CDH4: variants seen among roughly 807,000 people sequenced by gnomAD.
CDH4 encodes the protein cadherin-4.
In CDH4, 33 loss-of-function variants were observed where a neutral mutation model predicts 86.0. That is an observed-to-expected ratio of 0.38 (90% CI 0.29 to 0.51). The LOEUF (loss-of-function observed/expected upper bound fraction) is 0.51, where lower values mean the gene tolerates loss of function less well. Ranked by LOEUF, CDH4 falls within the 20% of genes least tolerant of loss-of-function variation. The pLI is 0.86. For missense variants in CDH4, 1,114 were observed against 1,307.4 expected (o/e 0.85, Z 2.28); for synonymous variants, 555 against 549.4 (o/e 1.01, Z -0.14).
chr20:61,734,832 G>A (rs898392270), intron 2 of CDH4, among the ~76,000 whole-genome samples: 6 of 152,214 alleles, frequency 3.9e-5, no homozygotes, highest in Non-Finnish European at 5.9e-5. Flanking sequence ...CACAAAGCGC[G>A]CACAGTCACA....
intron 2 of CDH4, among the ~76,000 whole-genome samples, chr20:61,672,738 A>G (rs2087404486): frequency 6.6e-6 from 1 of 152,032 alleles, no homozygotes; most frequent in Non-Finnish European, 1.5e-5. Flanking sequence ...TGGAATCTTC[A>G]CTGGGAGGGG....
intron 2 of CDH4, among the ~76,000 whole-genome samples, chr20:61,613,003 G>T (rs1198482392): frequency 6.6e-6 from 1 of 152,044 alleles, no homozygotes; most frequent in Non-Finnish European, 1.5e-5. Context: ...ACACCTCCAG[G>T]AGGGCCGATA....
At chr20:61,658,381 C>T (rs78578849) in intron 2 of CDH4, among the ~76,000 whole-genome samples, 2 of 152,302 alleles carry the variant, frequency 1.3e-5, no homozygotes, top group East Asian at 3.9e-4. Flanking sequence ...GAGAGGGCTC[C>T]ATCGCAGCTG....
chr20:61,760,959 T>C (rs1184688978), intron 3 of CDH4, among the ~76,000 whole-genome samples: 1 of 152,248 alleles, frequency 6.6e-6, no homozygotes, highest in Non-Finnish European at 1.5e-5. Context: ...TCTGTTGTTT[T>C]AGTGTGTGTT....
chr20:61,420,500 A>C (rs2085171441), intron 2 of CDH4, among the ~76,000 whole-genome samples: 1 of 152,264 alleles, frequency 6.6e-6, no homozygotes, highest in Non-Finnish European at 1.5e-5. Context: ...CTTTGTCGCC[A>C]CTGAAAACAA....
In CDH4 at chr20:61,437,699, T is replaced by A. The variant is rs2145526964; in HGVS notation, c.169+182762T>A. Among the ~76,000 whole-genome samples the A allele has an allele frequency of 2.0e-5, 3 of 152,296 alleles. No homozygotes were observed. In the South Asian group the frequency reaches 6.2e-4, roughly 32 times the overall value. On this transcript the variant is annotated intron_variant, in intron 2 of 15. Transcript: ENST00000614565. ...CCACTGTGCATGGCGGCTTCTCTCATGGAATCTGGGTCCATTGTACTCCAC... is the reference window on the plus strand; with the variant it reads ...CCACTGTGCATGGCGGCTTCTCTCAAGGAATCTGGGTCCATTGTACTCCAC...
chr20:61,638,834 T>G (rs745416869), intron 2 of CDH4, among the ~76,000 whole-genome samples: 4 of 152,186 alleles, frequency 2.6e-5, no homozygotes, highest in Non-Finnish European at 4.4e-5. Flanking sequence ...CCCTGAAAAC[T>G]GAAGCACCCT....
chr20:61,322,400 G>C (rs2084513742), intron 2 of CDH4, among the ~76,000 whole-genome samples: 1 of 152,184 alleles, frequency 6.6e-6, no homozygotes, highest in Non-Finnish European at 1.5e-5. Flanking sequence ...CAGCTGAACT[G>C]AGCGGAGACC....
At chr20:61,311,951 C>T (rs558857878) in intron 2 of CDH4, among the ~76,000 whole-genome samples, 24 of 152,362 alleles carry the variant, frequency 1.6e-4, no homozygotes, top group African/African-American at 4.8e-4. Flanking sequence ...GGTCATTGTG[C>T]GTGCACATGT....
intron 2 of CDH4, among the ~76,000 whole-genome samples, chr20:61,461,640 C>T (rs2145559271): frequency 6.6e-6 from 1 of 152,160 alleles, no homozygotes; most frequent in Non-Finnish European, 1.5e-5. Context: ...GAGTGAGGGG[C>T]GATTACATTT....
At chr20:61,735,168 G>C (rs1055490162) in intron 2 of CDH4, among the ~76,000 whole-genome samples, 1 of 152,178 alleles carries the variant, frequency 6.6e-6, no homozygotes, top group Non-Finnish European at 1.5e-5. Flanking sequence ...CCCACTCCAG[G>C]GAGATGTGTG....
intron 2 of CDH4, among the ~76,000 whole-genome samples, chr20:61,557,473 C>T (rs764041168): frequency 5.3e-5 from 8 of 152,208 alleles, no homozygotes; most frequent in Admixed American, 6.5e-5. Context: ...CCATGGTTGC[C>T]GTCGAGTGGG....
At chr20:61,916,600 C>A (rs1206765810) in intron 9 of CDH4, among the ~76,000 whole-genome samples, 1 of 152,346 alleles carries the variant, frequency 6.6e-6, no homozygotes, top group East Asian at 1.9e-4. Context: ...CCTGATCATT[C>A]TCCCTGCTTA....
intron 3 of CDH4, among the ~76,000 whole-genome samples, chr20:61,758,576 G>A (rs1040655709): frequency 2.2e-4 from 34 of 152,172 alleles, no homozygotes; most frequent in Admixed American, 6.5e-5. Context: ...GGATGTCTCT[G>A]ATCCGTCTGC....
At chr20:61,920,217 ATGGTGTCACGGTGATTGCATGGAAGCG>A (rs2054959834) in intron 9 of CDH4, among the ~76,000 whole-genome samples, 12 of 127,224 alleles carry the variant, frequency 9.4e-5, no homozygotes, top group South Asian at 2.7e-4. Flanking sequence ...GCGTGGAAGC[ATGGTGTCACGGTGATTGCATGGAAGCG>A]TGGTGTCACA....
At chr20:61,468,240 G>A (rs2085484097) in intron 2 of CDH4, among the ~76,000 whole-genome samples, 1 of 152,146 alleles carries the variant, frequency 6.6e-6, no homozygotes, top group Admixed American at 6.5e-5. Flanking sequence ...TTACTATCCA[G>A]CTGGCCCAAG....
chr20:61,890,564 G>C (rs1007139775), intron 7 of CDH4, among the ~76,000 whole-genome samples: 1 of 151,774 alleles, frequency 6.6e-6, no homozygotes, highest in African/African-American at 2.4e-5. Context: ...GGTGGATGAT[G>C]CATGATGGAT....
intron 2 of CDH4, among the ~76,000 whole-genome samples, chr20:61,462,334 TG>T (rs1204064215): frequency 6.6e-6 from 1 of 152,224 alleles, no homozygotes; most frequent in African/African-American, 2.4e-5. Context: ...TGGGGTGACC[TG>T]GTGCATTGCA....
At chr20:61,483,497 C>T (rs1039589055) in intron 2 of CDH4, among the ~76,000 whole-genome samples, 5 of 152,198 alleles carry the variant, frequency 3.3e-5, no homozygotes, top group Non-Finnish European at 7.3e-5. Flanking sequence ...ATTGACTCCT[C>T]CTCTTCTCAG....
Sources: allele counts gnomAD v4.1 joint callset (sites outside exome capture counted in the v4.1 genomes callset), GRCh38; gene constraint gnomAD v4.1.1; transcripts MANE v1.5; gene names NCBI Gene and HGNC (gene_info 2026-07-23, HGNC 2026-07-21).